The following LMAN1 variants were observed in gnomAD, a reference collection of about 807,000 sequenced individuals.
LMAN1 encodes the protein protein ERGIC-53.
A neutral mutation model predicts 67.8 loss-of-function variants in LMAN1; 32 were observed. That is an observed-to-expected ratio of 0.47 (90% CI 0.36 to 0.63). The LOEUF (loss-of-function observed/expected upper bound fraction) is 0.63. Among genes scored for constraint, LMAN1 ranks in the 30% least tolerant of loss-of-function variants. The pLI is 0.00. For missense variants in LMAN1, 632 were observed against 628.2 expected, an observed-to-expected ratio of 1.01 and a Z score of -0.06; for synonymous variants, 235 against 219.3, an observed-to-expected ratio of 1.07 and a Z score of -0.63.
chr18:59,354,549 T>C lies in LMAN1; in HGVS notation c.509A>G (p.Asn170Ser), dbSNP rs757114753. The change falls in exon 4 of 13, where the codon AAC becomes AGC. Residue 170 changes from asparagine (N) to serine (S), a missense_variant. Physicochemically the swap from Asn to Ser is conservative, Grantham distance 46. Transcript: ENST00000251047. The stretch of plus-strand genomic sequence containing the variant: ...ATGGTCATAATGGATTTGTCCATTG[T>C]TGCCTATAATTACTATAGCAGGATT... ...KNNPAIVIIG[N>S]NGQIHYDHQN... The C allele has an allele frequency of 6.6e-6, 10 of 1,511,774 alleles. No homozygotes were observed. The highest frequency in any genetic ancestry group is 9.2e-6 in the Non-Finnish European group (10 of 1,087,926). The allele number at this position is 1,511,774 out of a possible 1,614,324, so 93.6% of individuals were successfully genotyped here.
At chr18:59,353,723 T>C (rs1457990132) in intron 4 of LMAN1, among the ~76,000 whole-genome samples, 1 of 152,208 alleles carries the variant, frequency 6.6e-6, no homozygotes, top group Admixed American at 6.5e-5. Context: ...AAATAAAAAA[T>C]GTACATACCT....
intron 10 of LMAN1, among the ~76,000 whole-genome samples, chr18:59,336,649 A>C (rs1285285220): frequency 2.0e-5 from 3 of 152,290 alleles, no homozygotes; most frequent in African/African-American, 7.2e-5. Context: ...TATGGGAGGC[A>C]GAGGCAGGAG....
rs761987342 is a variant in LMAN1 at position 59,355,505 on chromosome 18, AGGCC to A, written c.364_367del (p.Gly122Ter). On this transcript the variant is annotated frameshift_variant and splice_region_variant, in exon 2 of 13. Transcript: ENST00000251047. LOFTEE classifies it high-confidence loss of function. ...TCTAAGTTAAAGAAATGATCATACT[AGGCC>A]ATCAGCTCCAATTCGACCTCTTCCA... is the stretch of plus-strand genomic sequence containing the variant. 1 of 1,614,102 alleles carries A rather than the reference AGGCC, an allele frequency of 6.2e-7. No individual in the cohort carries two copies. The highest frequency in any genetic ancestry group is 8.5e-7 in the Non-Finnish European group (1 of 1,179,958).
At chr18:59,332,294 C>T (rs2070752411) in intron 11 of LMAN1, among the ~76,000 whole-genome samples, 1 of 151,782 alleles carries the variant, frequency 6.6e-6, no homozygotes, top group African/African-American at 2.4e-5. Flanking sequence ...GATAATAATG[C>T]TTTGGATGAG....
chr18:59,348,395 G>A (rs1300138284), intron 6 of LMAN1, among the ~76,000 whole-genome samples: 2 of 152,204 alleles, frequency 1.3e-5, no homozygotes, highest in East Asian at 1.9e-4. Flanking sequence ...AATCCAGGCC[G>A]AGTCCTGCCT....
At chr18:59,353,483 T>G (rs1457395025) in intron 4 of LMAN1, among the ~76,000 whole-genome samples, 182 bp from the exon 5 acceptor site, 1 of 152,164 alleles carries the variant, frequency 6.6e-6, no homozygotes, top group Non-Finnish European at 1.5e-5. Context: ...GGGCAGAACA[T>G]GAATCACTCT....
rs1394190735 is a variant in LMAN1, at chr18:59,328,885, A to G, written c.*2208T>C. ...AGGATATAAGCCATTACGCAATTGC[A>G]TTTTCCTTTTAAAAGTGGCATCATA... On this transcript the variant is annotated 3_prime_UTR_variant, in exon 13 of 13. Coordinates refer to ENST00000251047, the MANE Select transcript of LMAN1 (RefSeq NM_005570.4). The G allele has an allele frequency of 6.6e-6, 1 of 152,212 alleles. No homozygotes were observed. The highest frequency in any genetic ancestry group is 2.4e-5 in the African/African-American group (1 of 41,452). The allele number at this position is 152,212 out of a possible 1,614,324, so 9.4% of individuals were successfully genotyped here.
In LMAN1 at chr18:59,329,800, T is replaced by C. The variant is rs2070736603; in HGVS notation, c.*1293A>G. 6.6e-6 allele frequency: 1 copy of C among 152,114 alleles called. No individual in the cohort carries two copies. The highest frequency in any genetic ancestry group is 2.1e-4 in the South Asian group (1 of 4,820). The allele number at this position is 152,114 out of a possible 1,614,324, so 9.4% of individuals were successfully genotyped here. A position where few individuals can be genotyped will look rare whatever the true frequency, so the allele number is the denominator to read the frequency against. On this transcript the variant is annotated 3_prime_UTR_variant, in exon 13 of 13. Transcript: ENST00000251047. ...AACAGTACTATTTTATAAGATAGTA[T>C]TGTTTGGAATTCTATGGCAAATGAA... is the stretch of plus-strand genomic sequence containing the variant.
rs183860353 is a variant in LMAN1 at position 59,328,437 on chromosome 18, G to A, written c.*2656C>T. ...CTGGATTCAGTCTGTAGTTGCTCATGAACCACGCGTTTTAATAAAAGGAAC... is the reference window on the plus strand; with the variant it reads ...CTGGATTCAGTCTGTAGTTGCTCATAAACCACGCGTTTTAATAAAAGGAAC... On this transcript the variant is annotated 3_prime_UTR_variant, in exon 13 of 13. Transcript: ENST00000251047. The A allele has an allele frequency of 1.1e-4, 17 of 152,302 alleles. No homozygotes were observed. Among genetic ancestry groups the A allele is most frequent in the African/African-American group, 3.1e-4 (13 of 41,572 alleles). 9.4% of individuals were successfully genotyped at this position (152,302 alleles called of 1,614,324 possible). A position where few individuals can be genotyped will look rare whatever the true frequency, so the allele number is the denominator to read the frequency against.
intron 6 of LMAN1, 105 bp downstream of exon 6, chr18:59,349,008 G>T: frequency 7.4e-7 from 1 of 1,344,270 alleles, no homozygotes; most frequent in Non-Finnish European, 1.1e-6. Flanking sequence ...GTTCCAAACA[G>T]TCTTAAAAAG....
chr18:59,343,635 T>A (rs1245259746), intron 8 of LMAN1, among the ~76,000 whole-genome samples: 1 of 152,082 alleles, frequency 6.6e-6, no homozygotes, highest in Non-Finnish European at 1.5e-5. Context: ...CTTCTCACCA[T>A]ATGCAAAAAT....
chr18:59,359,260 G>T lies in LMAN1; in HGVS notation c.-16C>A. On this transcript the variant is annotated 5_prime_UTR_variant, in exon 1 of 13. Coordinates refer to ENST00000251047, the MANE Select transcript of LMAN1 (RefSeq NM_005570.4). ...ATCCCGCCATCTTGGATTCTGGAAC[G>T]CGGAGGAGGGCGGGAGAGGGAGGGG... 6.2e-7 allele frequency: 1 copy of T among 1,612,378 alleles called. No homozygotes were observed. Among genetic ancestry groups the T allele is most frequent in the Non-Finnish European group, 8.5e-7 (1 of 1,178,686 alleles).
At chr18:59,337,880 T>A (rs1178350139) in intron 10 of LMAN1, among the ~76,000 whole-genome samples, 1 of 152,240 alleles carries the variant, frequency 6.6e-6, no homozygotes, top group Non-Finnish European at 1.5e-5. Flanking sequence ...ACATTCTTGT[T>A]TGTCAAGGGT....
intron 6 of LMAN1, 106 bp from the exon 7 acceptor site, chr18:59,347,677 T>A (rs148610033): frequency 7.0e-6 from 6 of 856,346 alleles, no homozygotes; most frequent in Admixed American, 5.2e-5. Context: ...CAATAACCAG[T>A]GAGGGAATTG....
At chr18:59,346,251 C>T (rs1268864584) in intron 7 of LMAN1, among the ~76,000 whole-genome samples, 200 bp from the exon 8 acceptor site, 5 of 132,016 alleles carry the variant, frequency 3.8e-5, no homozygotes, top group East Asian at 2.1e-4. Flanking sequence ...ACAAGAGTCG[C>T]GCTCTGTCAC....
intron 10 of LMAN1, 123 bp downstream of exon 10, chr18:59,338,434 A>T: frequency 1.3e-6 from 1 of 757,310 alleles, no homozygotes; most frequent in South Asian, 1.5e-5. Flanking sequence ...TTGTAAAATG[A>T]ATCTAGAACG....
chr18:59,341,650 G>C (rs1021361868), intron 8 of LMAN1, among the ~76,000 whole-genome samples: 5 of 152,020 alleles, frequency 3.3e-5, no homozygotes, highest in African/African-American at 1.2e-4. Flanking sequence ...TTCTTGAAAT[G>C]AATGAAAATG....
chr18:59,354,735 T>C (rs912540248), intron 3 of LMAN1, among the ~76,000 whole-genome samples, 155 bp from the exon 4 acceptor site: 2 of 152,198 alleles, frequency 1.3e-5, no homozygotes, highest in Admixed American at 6.6e-5. Context: ...TAAAGTTCTT[T>C]AAATTGCTAA....
At chr18:59,346,138 C>T in intron 7 of LMAN1, 87 bp from the exon 8 acceptor site, 2 of 1,102,888 alleles carry the variant, frequency 1.8e-6, no homozygotes, top group Admixed American at 2.3e-5. Context: ...CTCATTTTAA[C>T]TCTTCTACCA....
Sources: gnomAD v4.1 joint callset for allele counts (sites outside exome capture counted in the v4.1 genomes callset) on GRCh38, gnomAD v4.1.1 for gene constraint, MANE v1.5 for transcripts, NCBI Gene and HGNC (gene_info 2026-07-23, HGNC 2026-07-21) for gene names.